MAPKBP1: variants seen among roughly 807,000 people sequenced by gnomAD.
MAPKBP1 encodes mitogen-activated protein kinase-binding protein 1.
In MAPKBP1, 71 loss-of-function variants were observed where a neutral mutation model predicts 170.5. The observed-to-expected ratio is 0.42, with a 90% CI of 0.34 to 0.51. The LOEUF (loss-of-function observed/expected upper bound fraction) is 0.51. MAPKBP1 is among the 20% of genes least tolerant of loss of function. The probability of loss-of-function intolerance (pLI) is 0.06; values close to 1 mark genes in which losing one functional copy is unlikely to be tolerated. For synonymous variants in MAPKBP1, 719 were observed against 757.9 expected, an observed-to-expected ratio of 0.95 and a Z score of 0.84; for missense variants, 1,598 against 1,933.0, an observed-to-expected ratio of 0.83 and a Z score of 3.25.
intron 2 of MAPKBP1, among the ~76,000 whole-genome samples, chr15:41,790,249 TA>T (rs2064371711): frequency 6.6e-6 from 1 of 152,176 alleles, no homozygotes; most frequent in Non-Finnish European, 1.5e-5. Flanking sequence ...AATTGGGAAA[TA>T]GAAGGGCAAA....
At chr15:41,798,069 T>G (rs1264169798) in intron 2 of MAPKBP1, among the ~76,000 whole-genome samples, 1 of 151,330 alleles carries the variant, frequency 6.6e-6, no homozygotes, top group East Asian at 2.0e-4. Context: ...GCTAACATGG[T>G]GAAACCCTGT....
chr15:41,788,573 C>T (rs752500769), intron 2 of MAPKBP1, among the ~76,000 whole-genome samples: 2 of 151,960 alleles, frequency 1.3e-5, no homozygotes, highest in African/African-American at 2.4e-5. Context: ...AGCTGGTCCT[C>T]GAAGGAAAGG....
rs769736798 is a variant in MAPKBP1, at chr15:41,822,161, G to A, written c.3031+51G>A. ...GCCATGGGGGGTGGGGCCTGGAGGTGGGTGGGGAGGCTCTGGCAACAGATG... is the reference window on the plus strand; with the variant it reads ...GCCATGGGGGGTGGGGCCTGGAGGTAGGTGGGGAGGCTCTGGCAACAGATG... On this transcript the variant is annotated intron_variant, in intron 25 of 30. Transcript: ENST00000457542. 2.5e-6 allele frequency: 4 copies of A among 1,595,690 alleles called. No individual in the cohort carries two copies. In the Admixed American group the frequency reaches 6.8e-5, roughly 27 times the overall value.
chr15:41,814,869 TG>T, intron 10 of MAPKBP1, 130 bp downstream of exon 10: 1 of 1,175,464 alleles, frequency 8.5e-7, no homozygotes, highest in Non-Finnish European at 1.2e-6. Flanking sequence ...GTGACTTCCC[TG>T]GGATAGATCC....
intron 22 of MAPKBP1, among the ~76,000 whole-genome samples, 159 bp downstream of exon 22, chr15:41,819,809 G>C (rs2064964316): frequency 6.6e-6 from 1 of 152,190 alleles, no homozygotes. Context: ...AGTTGAAGCA[G>C]CTGGGCTGGT....
In MAPKBP1 at chr15:41,810,954, G is replaced by T; in HGVS notation, c.269+9G>T. 6.2e-7 allele frequency: 1 copy of T among 1,614,156 alleles called. No individual in the cohort carries two copies. The highest frequency in any genetic ancestry group is 8.5e-7 in the Non-Finnish European group (1 of 1,180,014). ...ATCCTCAACAGTTCCAGGTAAATGG[G>T]CTGGGGTCCTCAGGATACCTCTTCC... On this transcript the variant is annotated intron_variant, in intron 4 of 30. Transcript: ENST00000457542.
At chr15:41,801,600 T>C (rs752958779) in intron 3 of MAPKBP1, among the ~76,000 whole-genome samples, 31 of 152,230 alleles carry the variant, frequency 2.0e-4, no homozygotes, top group Middle Eastern at 6.8e-3. Context: ...ATAATCCCAG[T>C]ACCTTGGGAG....
At chr15:41,799,540 C>T (rs1428765174) in intron 2 of MAPKBP1, among the ~76,000 whole-genome samples, 2 of 152,106 alleles carry the variant, frequency 1.3e-5, no homozygotes, top group Non-Finnish European at 2.9e-5. Flanking sequence ...AATGCTTGTT[C>T]CTCTGTGGCC....
chr15:41,785,966 GA>G (rs775258617), intron 2 of MAPKBP1, among the ~76,000 whole-genome samples: 3 of 152,186 alleles, frequency 2.0e-5, no homozygotes, highest in Non-Finnish European at 4.4e-5. Flanking sequence ...TCATAAGAGT[GA>G]AATTTTGAAG....
chr15:41,817,182 C>CAG lies in MAPKBP1; in HGVS notation c.1711+151_1711+152dup, dbSNP rs1280423374. 2.0e-5 allele frequency: 27 copies of CAG among 1,343,528 alleles called. No individual in the cohort carries two copies. Among genetic ancestry groups the CAG allele is most frequent in the Non-Finnish European group, 2.3e-5 (23 of 988,644 alleles). 83.2% of individuals were successfully genotyped at this position (1,343,528 alleles called of 1,614,324 possible). The stretch of plus-strand genomic sequence containing the variant: ...GAGCTGGTTGGGAAGATAGGTGGAA[C>CAG]AGAGACTCTCAGTGCTGGGACTTGA... On this transcript the variant is annotated intron_variant, in intron 14 of 30. Transcript: ENST00000457542. This position sits in a 1 kb window ranked among gnomAD's most constrained non-coding sequence, Gnocchi z 4.2.
chr15:41,787,107 G>A (rs1000088657), intron 2 of MAPKBP1, among the ~76,000 whole-genome samples: 3 of 151,504 alleles, frequency 2.0e-5, no homozygotes, highest in African/African-American at 7.3e-5. Flanking sequence ...TTCCTGTTGG[G>A]ATTACAGGTG....
chr15:41,816,473 G>T, intron 12 of MAPKBP1, 86 bp from the exon 13 acceptor site: 1 of 887,326 alleles, frequency 1.1e-6, no homozygotes. Context: ...AAAGGAAAAA[G>T]GAGGAGAAAA....
intron 23 of MAPKBP1, 196 bp from the exon 24 acceptor site, chr15:41,821,388 G>A: frequency 1.6e-6 from 1 of 617,900 alleles, no homozygotes; most frequent in Non-Finnish European, 2.8e-6. Context: ...GCTCACATCA[G>A]CAACTGGAGC....
intron 7 of MAPKBP1, 36 bp from the exon 8 acceptor site, chr15:41,812,883 G>A (rs1221653337): frequency 1.3e-6 from 2 of 1,560,918 alleles, no homozygotes; most frequent in Non-Finnish European, 1.7e-6. Flanking sequence ...CAGGCTCTGG[G>A]GTGGATGGGG....
Position 41,824,588 on chromosome 15 carries a change from C to G in MAPKBP1, c.4299+19C>G, listed in dbSNP as rs978457137. 1 of 1,577,018 alleles carries G rather than the reference C, an allele frequency of 6.3e-7. No homozygotes were observed. The highest frequency in any genetic ancestry group is 8.6e-7 in the Non-Finnish European group (1 of 1,164,126). ...CCACTCGGTGGGTGTTAGGTGCCCC[C>G]CGGCAGGAAGGCGGGCACGTCAGTA... On this transcript the variant is annotated intron_variant, in intron 30 of 30. Coordinates refer to ENST00000457542, the MANE Select transcript of MAPKBP1 (RefSeq NM_014994.3).
At chr15:41,794,708 C>G (rs147935371) in intron 2 of MAPKBP1, among the ~76,000 whole-genome samples, 223 of 152,216 alleles carry the variant, frequency 1.5e-3, no homozygotes, top group African/African-American at 5.1e-3. Flanking sequence ...CATTGTATGC[C>G]AGAGACTGTT....
intron 2 of MAPKBP1, among the ~76,000 whole-genome samples, chr15:41,783,828 T>C (rs1422887287): frequency 6.6e-6 from 1 of 152,030 alleles, no homozygotes; most frequent in East Asian, 1.9e-4. Flanking sequence ...GCTAACATGG[T>C]GAAACCCCGT....
intron 2 of MAPKBP1, among the ~76,000 whole-genome samples, chr15:41,799,128 C>A (rs1596076244): frequency 6.6e-6 from 1 of 151,940 alleles, no homozygotes; most frequent in African/African-American, 2.4e-5. Flanking sequence ...CTCCCGTGGC[C>A]GTGTCCTCTC....
rs1286942131 is a variant in MAPKBP1 at position 41,813,873 on chromosome 15, T to C, written c.980+92T>C. 2.2e-6 allele frequency: 3 copies of C among 1,383,504 alleles called. No homozygotes were observed. The African/African-American group carries it at 4.4e-5, about 20-fold the overall frequency. The allele number at this position is 1,383,504 out of a possible 1,614,324, so 85.7% of individuals were successfully genotyped here. On this transcript the variant is annotated intron_variant, in intron 9 of 30. Coordinates refer to ENST00000457542, the MANE Select transcript of MAPKBP1 (RefSeq NM_014994.3). Reference sequence around the variant, plus strand: ...CCTCAGGGAGCAGGTGAAGAGTGTATTGATGCCCCAAAGATTATTGGGAAC... The same window carrying C: ...CCTCAGGGAGCAGGTGAAGAGTGTACTGATGCCCCAAAGATTATTGGGAAC...
Sources: allele counts gnomAD v4.1 joint callset (sites outside exome capture counted in the v4.1 genomes callset), GRCh38; gene constraint gnomAD v4.1.1; non-coding constraint Gnocchi (gnomAD v3.1); transcripts MANE v1.5; gene names NCBI Gene and HGNC (gene_info 2026-07-23, HGNC 2026-07-21).